Variants in SRPK2 observed in about 807,000 individuals in gnomAD.
SRPK2 encodes SRSF protein kinase 2.
Under a neutral mutation model 90.8 loss-of-function variants are expected in SRPK2, and 21 were observed. That is an observed-to-expected ratio of 0.23 (90% CI 0.16 to 0.33). The LOEUF (loss-of-function observed/expected upper bound fraction) is 0.33. Among genes scored for constraint, SRPK2 ranks in the 10% least tolerant of loss-of-function variants. SRPK2 has a pLI of 1.00. For missense variants in SRPK2, 620 were observed against 869.0 expected, an observed-to-expected ratio of 0.71 and a Z score of 3.60; for synonymous variants, 288 against 311.1, an observed-to-expected ratio of 0.93 and a Z score of 0.78.
chr7:105,191,777 G>A (rs973486408), intron 3 of SRPK2, among the ~76,000 whole-genome samples: 1 of 151,084 alleles, frequency 6.6e-6, no homozygotes, highest in Non-Finnish European at 1.5e-5. Context: ...TCTCTTTAAT[G>A]TCAATCAACT....
Position 105,379,757 on chromosome 7 carries a change from T to C in SRPK2, c.71+8891A>G, listed in dbSNP as rs1452024403. ...ACTTTGGGAAGCCGAGGCGGGCAGA[T>C]CACAAGGTCAGGAGATCGAGACCAG... On this transcript the variant is annotated intron_variant, in intron 2 of 15. Transcript: ENST00000393651. Among the ~76,000 whole-genome samples the C allele has an allele frequency of 2.0e-5, 3 of 152,100 alleles. No individual in the cohort carries two copies. In the South Asian group the frequency reaches 6.2e-4, roughly 32 times the overall value.
At chr7:105,270,440 A>C (rs1805682335) in intron 2 of SRPK2, among the ~76,000 whole-genome samples, 1 of 142,648 alleles carries the variant, frequency 7.0e-6, no homozygotes, top group African/African-American at 2.7e-5. Flanking sequence ...ATGGAATTTC[A>C]CTCGTTGCCC....
At chr7:105,207,520 A>C (rs1796360724) in intron 2 of SRPK2, among the ~76,000 whole-genome samples, 1 of 152,266 alleles carries the variant, frequency 6.6e-6, no homozygotes, top group South Asian at 2.1e-4. Flanking sequence ...TATAAGCAGC[A>C]ATGGCAGTGG....
chr7:105,167,905 C>T, intron 5 of SRPK2, 103 bp downstream of exon 5: 1 of 999,408 alleles, frequency 1.0e-6, no homozygotes, highest in Non-Finnish European at 1.5e-6. Flanking sequence ...GCCACCGTGC[C>T]CAGCCAAACT....
upstream of SRPK2, chr7:105,388,992 C>T: frequency 9.8e-7 from 1 of 1,021,926 alleles, no homozygotes; most frequent in Non-Finnish European, 1.2e-6. Flanking sequence ...CCGCCCCCGC[C>T]CCGCCCCCAC....
chr7:105,149,772 G>A (rs1381463432), intron 7 of SRPK2, among the ~76,000 whole-genome samples: 2 of 152,216 alleles, frequency 1.3e-5, no homozygotes, highest in Non-Finnish European at 2.9e-5. Context: ...GTAGCATTAT[G>A]AAGTGAGAGG....
At chr7:105,257,651 C>A (rs1482863184) in intron 2 of SRPK2, among the ~76,000 whole-genome samples, 1 of 152,030 alleles carries the variant, frequency 6.6e-6, no homozygotes, top group Non-Finnish European at 1.5e-5. Context: ...AGGCTTGGAG[C>A]CTTTATCAGA....
chr7:105,258,390 CT>C (rs1366191141), intron 2 of SRPK2, among the ~76,000 whole-genome samples: 1 of 136,172 alleles, frequency 7.3e-6, no homozygotes, highest in Non-Finnish European at 1.5e-5. Flanking sequence ...GCACTCCAAC[CT>C]GGGTAACAAG....
chr7:105,342,010 T>A (rs2385557), intron 2 of SRPK2, among the ~76,000 whole-genome samples: 1 of 151,048 alleles, frequency 6.6e-6, no homozygotes. Context: ...ATGCCTGTAA[T>A]CCCAGCACTT....
intron 11 of SRPK2, among the ~76,000 whole-genome samples, chr7:105,138,208 CAATA>C (rs1175692556): frequency 6.6e-6 from 1 of 152,150 alleles, no homozygotes; most frequent in African/African-American, 2.4e-5. Flanking sequence ...GTTCGTTATT[CAATA>C]AATATTTATC....
intron 2 of SRPK2, among the ~76,000 whole-genome samples, chr7:105,377,530 T>C (rs113474944): frequency 0.44 from 64,941 of 149,160 alleles, 15,671 homozygotes; most frequent in Non-Finnish European, 0.54. Context: ...CCATCTCAAC[T>C]GAAAAAAAAA....
rs1454718198 is a variant in SRPK2 at position 105,319,858 on chromosome 7, C to A, written c.71+68790G>T. Among the ~76,000 whole-genome samples, 8 of 151,128 alleles carry A rather than the reference C, an allele frequency of 5.3e-5. No individual in the cohort carries two copies. The South Asian group carries it at 1.3e-3, about 24-fold the overall frequency. ...TCCGAGTTCTGGACATCACTTCCCC[C>A]CCTTTTTTTTTTTTTTTGTCTATAA... On this transcript the variant is annotated intron_variant, in intron 2 of 15. Coordinates refer to ENST00000393651, the MANE Select transcript of SRPK2 (RefSeq NM_182692.3).
chr7:105,305,229 C>T (rs1455184516), intron 2 of SRPK2, among the ~76,000 whole-genome samples: 1 of 152,120 alleles, frequency 6.6e-6, no homozygotes, highest in Admixed American at 6.5e-5. Context: ...CACCTGAAGT[C>T]AAGAGTTCAA....
At chr7:105,388,550 C>T (rs1450507289) in intron 2 of SRPK2, 98 bp downstream of exon 2, 2 of 1,138,744 alleles carry the variant, frequency 1.8e-6, no homozygotes, top group Admixed American at 2.9e-5. Flanking sequence ...CCAGCCCGCC[C>T]GCCGGCCCGG....
At chr7:105,379,912 A>G (rs1820746234) in intron 2 of SRPK2, among the ~76,000 whole-genome samples, 1 of 152,074 alleles carries the variant, frequency 6.6e-6, no homozygotes, top group Admixed American at 6.6e-5. Flanking sequence ...GGGGAAGCGG[A>G]GGTTGCAGTG....
chr7:105,337,526 G>A (rs1044035090), intron 2 of SRPK2, among the ~76,000 whole-genome samples: 4 of 151,890 alleles, frequency 2.6e-5, no homozygotes, highest in Non-Finnish European at 2.9e-5. Context: ...TGTTGGCCAG[G>A]CTGGTCTCAA....
chr7:105,223,533 A>G (rs77052234), intron 2 of SRPK2, among the ~76,000 whole-genome samples: 2,961 of 152,234 alleles, frequency 0.019, 100 homozygotes, highest in African/African-American at 0.066. Context: ...TCTTTCAACA[A>G]TCATCTCAAA....
At chr7:105,165,570 C>T (rs1211049296) in intron 6 of SRPK2, among the ~76,000 whole-genome samples, 1 of 152,034 alleles carries the variant, frequency 6.6e-6, no homozygotes, top group African/African-American at 2.4e-5. Flanking sequence ...AACGCACTGA[C>T]CAGTGGTCTG....
chr7:105,296,729 G>A (rs761422286), intron 2 of SRPK2, among the ~76,000 whole-genome samples: 1 of 152,138 alleles, frequency 6.6e-6, no homozygotes, highest in Non-Finnish European at 1.5e-5. Flanking sequence ...TGACACAGAA[G>A]AAAAACACTA....
Sources: gnomAD v4.1 joint callset for allele counts (sites outside exome capture counted in the v4.1 genomes callset) on GRCh38, gnomAD v4.1.1 for gene constraint, MANE v1.5 for transcripts, NCBI Gene and HGNC (gene_info 2026-07-23, HGNC 2026-07-21) for gene names.